DOK6: variants seen among roughly 807,000 people sequenced by gnomAD.
The protein encoded by DOK6 is docking protein 6.
A neutral mutation model predicts 44.0 loss-of-function variants in DOK6; 22 were observed. That is an observed-to-expected ratio of 0.50 (90% CI 0.36 to 0.71). The LOEUF is 0.71. Among genes scored for constraint, DOK6 ranks in the 30% least tolerant of loss-of-function variants. The pLI, the probability that DOK6 is intolerant of heterozygous loss-of-function variation, is 0.00. For missense variants in DOK6, 340 were observed against 416.4 expected, an observed-to-expected ratio of 0.82 and a Z score of 1.60; for synonymous variants, 166 against 145.5, an observed-to-expected ratio of 1.14 and a Z score of -1.01.
chr18:69,809,518 G>C (rs1468947816), intron 7 of DOK6, among the ~76,000 whole-genome samples: 2 of 149,718 alleles, frequency 1.3e-5, no homozygotes, highest in Non-Finnish European at 3.0e-5. Flanking sequence ...CCTATTTGCA[G>C]ACAACATGAT....
intron 5 of DOK6, among the ~76,000 whole-genome samples, chr18:69,716,599 T>C (rs538774295): frequency 2.0e-5 from 3 of 151,832 alleles, no homozygotes; most frequent in South Asian, 2.1e-4. Flanking sequence ...GTCCCTTTGT[T>C]TCAGAACCCT....
intron 4 of DOK6, among the ~76,000 whole-genome samples, chr18:69,689,417 T>C (rs1192237480): frequency 1.3e-5 from 2 of 152,176 alleles, no homozygotes; most frequent in African/African-American, 4.8e-5. Flanking sequence ...AAATCTGAGA[T>C]GAAGTATTTG....
At chr18:69,575,887 C>T (rs1983226799) in intron 2 of DOK6, among the ~76,000 whole-genome samples, 1 of 151,894 alleles carries the variant, frequency 6.6e-6, no homozygotes, top group South Asian at 2.1e-4. Flanking sequence ...TCAATGTCAC[C>T]ATAGGGATCA....
At chr18:69,643,391 T>A (rs1984992471) in intron 3 of DOK6, among the ~76,000 whole-genome samples, 2 of 151,946 alleles carry the variant, frequency 1.3e-5, no homozygotes, top group South Asian at 4.2e-4. Flanking sequence ...CCACAGGGAG[T>A]CCTTTTGTTG....
In DOK6 at chr18:69,750,043, T is replaced by TTA. The variant is rs537248216; in HGVS notation, c.739-7699_739-7698dup. Among the ~76,000 whole-genome samples, 535 of 146,736 alleles carry TTA rather than the reference T, an allele frequency of 3.6e-3. 1 individual carries two copies. Among genetic ancestry groups the TTA allele is most frequent in the African/African-American group, 0.01 (421 of 40,448 alleles). ...TGGCTGAAAATAAGGAAAAGGCATTTTATATATATATATATTATATATATA... is the reference window on the plus strand; with the variant it reads ...TGGCTGAAAATAAGGAAAAGGCATTTTATATATATATATATATTATATATATA... On this transcript the variant is annotated intron_variant, in intron 6 of 7. Coordinates refer to ENST00000382713, the MANE Select transcript of DOK6 (RefSeq NM_152721.6).
At chr18:69,656,588 A>G (rs539867374) in intron 3 of DOK6, among the ~76,000 whole-genome samples, 1 of 152,340 alleles carries the variant, frequency 6.6e-6, no homozygotes, top group East Asian at 1.9e-4. Context: ...AAATAAGTCA[A>G]AAAGTTGCTA....
intron 3 of DOK6, among the ~76,000 whole-genome samples, chr18:69,673,273 A>G (rs1415346780): frequency 1.3e-5 from 2 of 151,972 alleles, no homozygotes; most frequent in East Asian, 3.9e-4. Flanking sequence ...TCTGTTTTCA[A>G]ATGTAGCTCA....
chr18:69,549,730 G>T (rs568371202), intron 1 of DOK6, among the ~76,000 whole-genome samples: 7 of 151,518 alleles, frequency 4.6e-5, no homozygotes, highest in African/African-American at 1.7e-4. Context: ...TGATGCCTAT[G>T]CAAGATAGAC....
intron 3 of DOK6, among the ~76,000 whole-genome samples, chr18:69,641,071 C>T (rs1984928623): frequency 6.6e-6 from 1 of 152,024 alleles, no homozygotes; most frequent in African/African-American, 2.4e-5. Context: ...AAAAAATTAG[C>T]TGAGCGTGGT....
At chr18:69,554,001 A>G (rs566270919) in intron 1 of DOK6, among the ~76,000 whole-genome samples, 6 of 152,276 alleles carry the variant, frequency 3.9e-5, no homozygotes, top group African/African-American at 1.2e-4. Flanking sequence ...TTCTGTCTCT[A>G]TCTGTTCCTA....
chr18:69,586,517 C>T (rs937286517), intron 2 of DOK6, among the ~76,000 whole-genome samples: 4 of 152,184 alleles, frequency 2.6e-5, no homozygotes, highest in Admixed American at 2.0e-4. Flanking sequence ...AAGAACAGAG[C>T]AAGCCATTCC....
chr18:69,478,010 A>C (rs1473069566), intron 1 of DOK6, among the ~76,000 whole-genome samples: 1 of 152,206 alleles, frequency 6.6e-6, no homozygotes, highest in Non-Finnish European at 1.5e-5. Flanking sequence ...AGGAAAACTT[A>C]TATTGTCTTT....
chr18:69,688,075 A>G (rs1986190478), intron 4 of DOK6, among the ~76,000 whole-genome samples: 3 of 152,074 alleles, frequency 2.0e-5, no homozygotes, highest in Non-Finnish European at 4.4e-5. Flanking sequence ...AAAATTAAAT[A>G]TTAAAATACC....
At chr18:69,757,248 G>A (rs1247809117) in intron 6 of DOK6, among the ~76,000 whole-genome samples, 3 of 152,176 alleles carry the variant, frequency 2.0e-5, no homozygotes, top group African/African-American at 7.2e-5. Flanking sequence ...GTAAGGTTGG[G>A]AGGAAGTGTA....
chr18:69,624,027 C>A (rs915730269), intron 3 of DOK6, among the ~76,000 whole-genome samples: 1 of 151,778 alleles, frequency 6.6e-6, no homozygotes, highest in Non-Finnish European at 1.5e-5. Context: ...AGTATTATGG[C>A]TCTACACAAC....
chr18:69,484,685 C>A (rs1039120074), intron 1 of DOK6, among the ~76,000 whole-genome samples: 1 of 151,988 alleles, frequency 6.6e-6, no homozygotes, highest in African/African-American at 2.4e-5. Context: ...ATTCTTGATT[C>A]ATTAACATTG....
chr18:69,651,080 T>C (rs557935927), intron 3 of DOK6, among the ~76,000 whole-genome samples: 31 of 152,258 alleles, frequency 2.0e-4, no homozygotes, highest in Admixed American at 6.5e-5. Flanking sequence ...GCAAAAGGAC[T>C]CTCTCTCCCA....
intron 1 of DOK6, among the ~76,000 whole-genome samples, chr18:69,449,231 A>G (rs1979384308): frequency 6.6e-6 from 1 of 152,228 alleles, no homozygotes; most frequent in Admixed American, 6.5e-5. Flanking sequence ...ATAATACTAT[A>G]TGAACAGTAG....
intron 4 of DOK6, among the ~76,000 whole-genome samples, chr18:69,694,975 T>A (rs947541400): frequency 2.6e-5 from 4 of 152,232 alleles, no homozygotes; most frequent in Non-Finnish European, 4.4e-5. Flanking sequence ...GAACTCTTTC[T>A]TACAAAATCA....
Sources: allele counts gnomAD v4.1 joint callset (sites outside exome capture counted in the v4.1 genomes callset), GRCh38; gene constraint gnomAD v4.1.1; transcripts MANE v1.5; gene names NCBI Gene and HGNC (gene_info 2026-07-23, HGNC 2026-07-21).